Variants in LCP1 observed in about 807,000 individuals in gnomAD.
LCP1 encodes the protein plastin-2.
In LCP1, 23 loss-of-function variants were observed where a neutral mutation model predicts 72.0. The observed-to-expected ratio is 0.32, with a 90% CI of 0.23 to 0.45. The LOEUF (loss-of-function observed/expected upper bound fraction) is 0.45. Ranked by LOEUF, LCP1 falls within the 20% of genes least tolerant of loss-of-function variation. The pLI is 1.00. For synonymous variants in LCP1, 245 were observed against 275.4 expected, an observed-to-expected ratio of 0.89 and a Z score of 1.09; for missense variants, 571 against 748.3, an observed-to-expected ratio of 0.76 and a Z score of 2.76.
At chr13:46,139,105 G>A (rs561679032) in intron 13 of LCP1, among the ~76,000 whole-genome samples, 1 of 152,296 alleles carries the variant, frequency 6.6e-6, no homozygotes, top group Admixed American at 6.5e-5. Context: ...ACTTGTGGAA[G>A]ATAATAAAGA....
intron 4 of LCP1, among the ~76,000 whole-genome samples, chr13:46,156,980 C>T (rs2045805911): frequency 6.6e-6 from 1 of 151,740 alleles, no homozygotes; most frequent in Admixed American, 6.6e-5. Context: ...GCCACAACAC[C>T]CAGCTAATTT....
chr13:46,140,493 A>G (rs141908085), intron 13 of LCP1, among the ~76,000 whole-genome samples: 98 of 152,358 alleles, frequency 6.4e-4, no homozygotes, highest in Non-Finnish European at 1.2e-3. Flanking sequence ...TAAGCCTCAA[A>G]TGGATCAAAC....
chr13:46,141,829 C>T (rs2138232325), intron 13 of LCP1, among the ~76,000 whole-genome samples: 1 of 151,912 alleles, frequency 6.6e-6, no homozygotes, highest in Middle Eastern at 3.4e-3. Flanking sequence ...AGCATAATTT[C>T]CCCTTTATTT....
intron 12 of LCP1, 165 bp from the exon 13 acceptor site, chr13:46,142,590 T>C: frequency 1.4e-6 from 1 of 722,944 alleles, no homozygotes; most frequent in Non-Finnish European, 2.2e-6. Flanking sequence ...ATTAAAGAAT[T>C]TTCCATCTGT....
rs777658067 is a variant in LCP1, at chr13:46,134,282, C to A, written c.1503-32G>T. 2.5e-6 allele frequency: 4 copies of A among 1,595,132 alleles called. No homozygotes were observed. The East Asian group carries it at 6.7e-5, about 27-fold the overall frequency. On this transcript the variant is annotated intron_variant, in intron 13 of 15. Coordinates refer to ENST00000323076, the MANE Select transcript of LCP1 (RefSeq NM_002298.5). ...AAAATAAAGAATGCTTTCTGGAGAA[C>A]AGTTGCTAAAGAATTTAATATAAAC...
chr13:46,178,380 T>A lies in LCP1; in HGVS notation c.-25+3731A>T, dbSNP rs540553116. 2.2e-3 allele frequency among the ~76,000 whole-genome samples: 327 copies of A among 151,970 alleles called. 2 individuals are homozygous for A. Among genetic ancestry groups the A allele is most frequent in the Admixed American group, 3.6e-3 (55 of 15,272 alleles). ...AAACCAAAACAACAGGAACAGTCAATAGTATAAGGCAGGAAGTTGGATCAG... is the reference window on the plus strand; with the variant it reads ...AAACCAAAACAACAGGAACAGTCAAAAGTATAAGGCAGGAAGTTGGATCAG... On this transcript the variant is annotated intron_variant, in intron 1 of 15. Transcript: ENST00000323076.
chr13:46,177,381 C>G (rs1021517425), intron 1 of LCP1, among the ~76,000 whole-genome samples: 1 of 152,166 alleles, frequency 6.6e-6, no homozygotes, highest in South Asian at 2.1e-4. Flanking sequence ...GTGGCTCACG[C>G]CTGTAATCCC....
chr13:46,143,896 C>T (rs1410633742), intron 11 of LCP1, among the ~76,000 whole-genome samples: 14 of 152,152 alleles, frequency 9.2e-5, no homozygotes, highest in Admixed American at 9.2e-4. Flanking sequence ...GGAACCCCGT[C>T]TCTACTAAAA....
chr13:46,174,924 A>G lies in LCP1; in HGVS notation c.-25+7187T>C, dbSNP rs185845919. On this transcript the variant is annotated intron_variant, in intron 1 of 15. Transcript: ENST00000323076. ...TGGAAACACAAAAAAGTATATAGAC[A>G]TATTATCAGGAAGCAACTAGTGGAT... 2.6e-5 allele frequency among the ~76,000 whole-genome samples: 4 copies of G among 152,298 alleles called. No individual in the cohort carries two copies. In the East Asian group the frequency reaches 7.7e-4, roughly 29 times the overall value.
rs1410414062 is a variant in LCP1 at position 46,126,222 on chromosome 13, A to T, written c.*1369T>A. ...CCATTACATACCACCACTAAAGAAG[A>T]TACCTCATTGATGGAGCTTTTCACC... On this transcript the variant is annotated 3_prime_UTR_variant, in exon 16 of 16. Transcript: ENST00000323076. The T allele has an allele frequency of 4.4e-6, 1 of 225,900 alleles. No individual in the cohort carries two copies. Among genetic ancestry groups the T allele is most frequent in the Non-Finnish European group, 8.8e-6 (1 of 113,434 alleles). The allele number at this position is 225,900 out of a possible 1,614,324, so 14.0% of individuals were successfully genotyped here.
At chr13:46,145,717 G>T (rs1315924741) in intron 10 of LCP1, among the ~76,000 whole-genome samples, 2 of 80,888 alleles carry the variant, frequency 2.5e-5, no homozygotes, top group Admixed American at 1.4e-4. Context: ...AGACCATCCC[G>T]GCTAAAATGG....
intron 6 of LCP1, 155 bp from the exon 7 acceptor site, chr13:46,153,100 C>G: frequency 1.4e-6 from 1 of 700,218 alleles, no homozygotes; most frequent in Non-Finnish European, 2.3e-6. Context: ...AACAGTGACT[C>G]ATAACCAGAA....
chr13:46,149,159 T>A (rs10492450), intron 8 of LCP1, among the ~76,000 whole-genome samples: 69,140 of 152,060 alleles, frequency 0.45, 15,820 homozygotes, highest in South Asian at 0.49. Context: ...GATTTTCAGG[T>A]AGTTTATTTA....
At chr13:46,175,945 T>C (rs9526153) in intron 1 of LCP1, among the ~76,000 whole-genome samples, 49,579 of 152,050 alleles carry the variant, frequency 0.33, 8,489 homozygotes, top group East Asian at 0.5. Flanking sequence ...ATCCCACTCT[T>C]CTTTGTTCAA....
chr13:46,136,007 C>G (rs879817185), intron 13 of LCP1, among the ~76,000 whole-genome samples: 1 of 151,876 alleles, frequency 6.6e-6, no homozygotes, highest in Non-Finnish European at 1.5e-5. Flanking sequence ...CAATTTGGCT[C>G]TAGTATTCTT....
At chr13:46,173,104 T>G (rs2045912347) in intron 1 of LCP1, among the ~76,000 whole-genome samples, 1 of 151,486 alleles carries the variant, frequency 6.6e-6, no homozygotes. Flanking sequence ...GATACACCCA[T>G]GTAAAGGCAT....
chr13:46,142,933 C>G (rs146012419), intron 12 of LCP1: 1 of 349,612 alleles, frequency 2.9e-6, no homozygotes, highest in Non-Finnish European at 5.6e-6. Context: ...TGTTGACAGT[C>G]GACAAACTGT....
rs2045824669 is a variant in LCP1, at chr13:46,159,522, C to T, written c.64+77G>A. 4.2e-6 allele frequency: 5 copies of T among 1,192,928 alleles called. No individual in the cohort carries two copies. In the South Asian group the frequency reaches 6.3e-5, roughly 15 times the overall value. The allele number at this position is 1,192,928 out of a possible 1,614,324, so 73.9% of individuals were successfully genotyped here. ...TCATCTCTGAAATTTTGCTCATGTT[C>T]CCATTTCATTGAATCTACCCTGAAG... On this transcript the variant is annotated intron_variant, in intron 2 of 15. Coordinates refer to ENST00000323076, the MANE Select transcript of LCP1 (RefSeq NM_002298.5).
chr13:46,138,273 T>A (rs1406751088), intron 13 of LCP1, among the ~76,000 whole-genome samples: 1 of 152,178 alleles, frequency 6.6e-6, no homozygotes, highest in Non-Finnish European at 1.5e-5. Context: ...AATTAGCACA[T>A]CAGCACAATT....
Sources: gnomAD v4.1 joint callset for allele counts (sites outside exome capture counted in the v4.1 genomes callset) on GRCh38, gnomAD v4.1.1 for gene constraint, MANE v1.5 for transcripts, NCBI Gene and HGNC (gene_info 2026-07-23, HGNC 2026-07-21) for gene names.